The following IL16 variants were observed in gnomAD, a reference collection of about 807,000 sequenced individuals.
IL16 encodes pro-interleukin-16.
In IL16, 67 loss-of-function variants were observed where a neutral mutation model predicts 110.1. The observed-to-expected ratio is 0.61, with a 90% CI of 0.50 to 0.75. The LOEUF (loss-of-function observed/expected upper bound fraction) is 0.75. Among genes scored for constraint, IL16 ranks in the 30% least tolerant of loss-of-function variants. IL16 has a pLI of 0.00. For missense variants in IL16, 1,545 were observed against 1,655.0 expected (o/e 0.93, Z 1.15); for synonymous variants, 689 against 662.9 (o/e 1.04, Z -0.61).
At chr15:81,218,473 TA>T (rs1408995117) in intron 1 of IL16, among the ~76,000 whole-genome samples, 39 of 152,332 alleles carry the variant, frequency 2.6e-4, no homozygotes, top group South Asian at 1.9e-3. Context: ...CCAGACATTT[TA>T]GAACCTGATA....
At chr15:81,236,111 A>T (rs1897168603) in intron 2 of IL16, among the ~76,000 whole-genome samples, 1 of 152,258 alleles carries the variant, frequency 6.6e-6, no homozygotes, top group African/African-American at 2.4e-5. Flanking sequence ...GTCACCACTC[A>T]TATAGCATGA....
At chr15:81,214,804 A>C (rs981410889) in intron 1 of IL16, among the ~76,000 whole-genome samples, 8 of 152,038 alleles carry the variant, frequency 5.3e-5, no homozygotes, top group African/African-American at 1.9e-4. Flanking sequence ...TAATTTTTAG[A>C]GATTTTGTTC....
chr15:81,237,624 C>A (rs1205039690), intron 2 of IL16, among the ~76,000 whole-genome samples: 1 of 152,160 alleles, frequency 6.6e-6, no homozygotes, highest in Non-Finnish European at 1.5e-5. Flanking sequence ...TGATGCCTTT[C>A]CATTCTCACT....
intron 2 of IL16, among the ~76,000 whole-genome samples, chr15:81,230,524 A>G (rs1896935040): frequency 6.6e-6 from 1 of 152,166 alleles, no homozygotes; most frequent in Non-Finnish European, 1.5e-5. Context: ...GGGAACTTGC[A>G]GTCTAGAGAA....
chr15:81,262,352 C>A (rs372136868), intron 3 of IL16, among the ~76,000 whole-genome samples: 4 of 152,198 alleles, frequency 2.6e-5, no homozygotes, highest in South Asian at 2.1e-4. Context: ...AAAGTTACTT[C>A]CACATTCAGA....
intron 1 of IL16, among the ~76,000 whole-genome samples, chr15:81,206,878 G>C (rs937277999): frequency 1.4e-4 from 21 of 151,876 alleles, no homozygotes; most frequent in African/African-American, 5.1e-4. Flanking sequence ...TGATGATGAT[G>C]ATGATGATGA....
chr15:81,265,171 G>C (rs1394183728), intron 3 of IL16, among the ~76,000 whole-genome samples: 1 of 152,216 alleles, frequency 6.6e-6, no homozygotes, highest in East Asian at 1.9e-4. Context: ...GTCTCCGTGT[G>C]TGTGTATCCC....
Position 81,303,730 on chromosome 15 carries a change from C to T in IL16, c.3420+80C>T. On this transcript the variant is annotated intron_variant, in intron 16 of 18. Transcript: ENST00000683961. The surrounding 1 kb of genome is among the most constrained non-coding windows in gnomAD (Gnocchi z 4.1). ...GGGGGACACACTTGCCAGGAAGGGGCCCTGTGCTGGGGAAATGAAGAATGC... is the reference window on the plus strand; with the variant it reads ...GGGGGACACACTTGCCAGGAAGGGGTCCTGTGCTGGGGAAATGAAGAATGC... 1 of 940,392 alleles carries T rather than the reference C, an allele frequency of 1.1e-6. No homozygotes were observed. Among genetic ancestry groups the T allele is most frequent in the Non-Finnish European group, 1.7e-6 (1 of 578,038 alleles). The allele number at this position is 940,392 out of a possible 1,614,324, so 58.3% of individuals were successfully genotyped here. A position where few individuals can be genotyped will look rare whatever the true frequency, so the allele number is the denominator to read the frequency against.
intron 2 of IL16, among the ~76,000 whole-genome samples, chr15:81,243,142 A>G (rs58587301): frequency 1.4e-5 from 1 of 71,292 alleles, no homozygotes; most frequent in Non-Finnish European, 2.6e-5. Flanking sequence ...TAGCTATATA[A>G]GTATATATAT....
At chr15:81,274,008 A>C (rs1385559550) in intron 6 of IL16, among the ~76,000 whole-genome samples, 1 of 150,294 alleles carries the variant, frequency 6.7e-6, no homozygotes, top group Non-Finnish European at 1.5e-5. Flanking sequence ...GTTTCAACTC[A>C]GGAGGCAAAG....
intron 5 of IL16, among the ~76,000 whole-genome samples, chr15:81,270,248 T>A (rs1008373508): frequency 1.3e-5 from 2 of 152,176 alleles, no homozygotes; most frequent in Non-Finnish European, 2.9e-5. Context: ...GATGGTGAGA[T>A]AGGGGGCGTA....
chr15:81,201,699 T>C (rs940182740), intron 1 of IL16, among the ~76,000 whole-genome samples: 2 of 152,216 alleles, frequency 1.3e-5, no homozygotes, highest in Admixed American at 6.5e-5. Flanking sequence ...AATATTAAAT[T>C]TTGTGTTTGG....
intron 2 of IL16, among the ~76,000 whole-genome samples, chr15:81,235,522 C>T (rs1595978736): frequency 6.6e-6 from 1 of 152,072 alleles, no homozygotes; most frequent in Non-Finnish European, 1.5e-5. Context: ...TCCCACTAGG[C>T]CCCCCCTCCA....
chr15:81,202,870 C>T (rs1043289509), intron 1 of IL16, among the ~76,000 whole-genome samples: 3 of 151,096 alleles, frequency 2.0e-5, no homozygotes, highest in East Asian at 2.0e-4. Flanking sequence ...AAATGGTATT[C>T]CTAGTTCTAG....
Position 81,306,550 on chromosome 15 carries a change from G to C in IL16, c.3805+5G>C, listed in dbSNP as rs1900572737. 1 of 1,611,782 alleles carries C rather than the reference G, an allele frequency of 6.2e-7. No individual in the cohort carries two copies. Among genetic ancestry groups the C allele is most frequent in the Non-Finnish European group, 8.5e-7 (1 of 1,179,968 alleles). On this transcript the variant is annotated splice_donor_5th_base_variant and intron_variant, in intron 18 of 18. Coordinates refer to ENST00000683961, the MANE Select transcript of IL16 (RefSeq NM_172217.5). ...CCATTAACAGGATTTTCAAAGGTGTGGGGTGTGTCTGGTTCTTTGCGTGCT... is the reference window on the plus strand; with the variant it reads ...CCATTAACAGGATTTTCAAAGGTGTCGGGTGTGTCTGGTTCTTTGCGTGCT...
chr15:81,300,721 G>A, intron 14 of IL16, among the ~76,000 whole-genome samples: 1 of 152,156 alleles, frequency 6.6e-6, no homozygotes, highest in East Asian at 1.9e-4. Flanking sequence ...AGGAGGGCTG[G>A]GAGGTAGGAG....
At chr15:81,263,525 G>C (rs1275814164) in intron 3 of IL16, among the ~76,000 whole-genome samples, 1 of 152,050 alleles carries the variant, frequency 6.6e-6, no homozygotes, top group South Asian at 2.1e-4. Flanking sequence ...GGGCCGAAGT[G>C]GGCACAGAAA....
At chr15:81,224,938 C>G (rs972834008) in intron 1 of IL16, among the ~76,000 whole-genome samples, 1 of 152,160 alleles carries the variant, frequency 6.6e-6, no homozygotes, top group East Asian at 1.9e-4. Flanking sequence ...AGTTTAAAAA[C>G]CTCACAAAGT....
intron 2 of IL16, among the ~76,000 whole-genome samples, chr15:81,252,984 A>G (rs1897820281): frequency 6.6e-6 from 1 of 152,120 alleles, no homozygotes; most frequent in African/African-American, 2.4e-5. Flanking sequence ...TCCCTTGGGT[A>G]TATACCTAGG....
Sources: gnomAD v4.1 joint callset for allele counts (sites outside exome capture counted in the v4.1 genomes callset) on GRCh38, gnomAD v4.1.1 for gene constraint, Gnocchi (gnomAD v3.1) non-coding constraint, MANE v1.5 for transcripts, NCBI Gene and HGNC (gene_info 2026-07-23, HGNC 2026-07-21) for gene names.